The following BLTP3A variants were observed in gnomAD, a reference collection of about 807,000 sequenced individuals.
BLTP3A encodes ICBP90 binding protein 1.
chr6:34,803,233 TAAAA>T, the BLTP3A span, among the ~76,000 whole-genome samples: 1 of 143,170 alleles, frequency 7.0e-6, no homozygotes, highest in Non-Finnish European at 1.5e-5. Context: ...ATTGTAAAGT[TAAAA>T]AAAAAAAAGG....
chr6:34,821,945 C>G, the BLTP3A span: 1 of 1,614,214 alleles, frequency 6.2e-7, no homozygotes. Context: ...AAGACACACC[C>G]TATTTGCTTG....
the BLTP3A span, among the ~76,000 whole-genome samples, chr6:34,834,563 T>C: frequency 2.0e-5 from 3 of 152,142 alleles, no homozygotes; most frequent in Non-Finnish European, 4.4e-5. Flanking sequence ...CTACATCCTT[T>C]CCTCAATTAT....
chr6:34,872,451 AGCCATCTGTGCCAAGGAGAGAG>A, the BLTP3A span: 2 of 1,603,466 alleles, frequency 1.2e-6, no homozygotes, highest in Non-Finnish European at 1.7e-6. Flanking sequence ...CCAGTGGCTC[AGCCATCTGTGCCAAGGAGAGAG>A]GCTATCACCA....
the BLTP3A span, chr6:34,857,193 G>A: frequency 8.6e-7 from 1 of 1,159,848 alleles, no homozygotes. Context: ...GAGAACACCT[G>A]GAATATATGT....
the BLTP3A span, among the ~76,000 whole-genome samples, chr6:34,819,633 A>G: frequency 2.0e-5 from 3 of 152,344 alleles, no homozygotes; most frequent in East Asian, 5.8e-4. Flanking sequence ...TGACCTAAAC[A>G]TGCATTACAG....
At chr6:34,821,427 T>TCGC in the BLTP3A span, 22 of 377,404 alleles carry the variant, frequency 5.8e-5, no homozygotes, top group South Asian at 4.6e-4. Context: ...GATGGTGTGG[T>TCGC]CTGAGTGCAT....
the BLTP3A span, among the ~76,000 whole-genome samples, chr6:34,861,016 C>T: frequency 3.3e-5 from 5 of 152,192 alleles, no homozygotes; most frequent in African/African-American, 1.2e-4. Context: ...CCCAGTTACT[C>T]TCAATTCTCT....
At chr6:34,824,432 C>T in the BLTP3A span, among the ~76,000 whole-genome samples, 1 of 150,892 alleles carries the variant, frequency 6.6e-6, no homozygotes, top group Non-Finnish European at 1.5e-5. Flanking sequence ...GTGGCGGGCA[C>T]CTGTAATCCC....
chr6:34,874,982 G>T, the BLTP3A span: 1 of 152,594 alleles, frequency 6.6e-6, no homozygotes, highest in African/African-American at 2.4e-5. Context: ...AAAGCAGAGG[G>T]GAGTTAGATC....
At chr6:34,841,161 A>AT in the BLTP3A span, among the ~76,000 whole-genome samples, 9 of 150,878 alleles carry the variant, frequency 6.0e-5, no homozygotes, top group East Asian at 5.9e-4. Context: ...TAATTTTATT[A>AT]TTTTTTTTGA....
the BLTP3A span, chr6:34,867,351 C>T: frequency 6.2e-7 from 1 of 1,614,064 alleles, no homozygotes; most frequent in Non-Finnish European, 8.5e-7. Context: ...TCAGTTTCAC[C>T]CAGTGGAGAA....
At chr6:34,858,329 T>C in the BLTP3A span, 3 of 1,614,224 alleles carry the variant, frequency 1.9e-6, no homozygotes, top group South Asian at 3.3e-5. Context: ...CCAGGTGGCT[T>C]TAGCCTTCTG....
At chr6:34,826,033 T>C in the BLTP3A span, among the ~76,000 whole-genome samples, 1 of 147,678 alleles carries the variant, frequency 6.8e-6, no homozygotes. Context: ...TGCATTTTTT[T>C]TTTTTTTTTT....
the BLTP3A span, chr6:34,821,752 T>G: frequency 1.2e-6 from 2 of 1,614,174 alleles, no homozygotes; most frequent in Non-Finnish European, 1.7e-6. Flanking sequence ...TTCTACAGAA[T>G]GTACTGGAGC....
chr6:34,829,109 T>C, the BLTP3A span, among the ~76,000 whole-genome samples: 7 of 145,962 alleles, frequency 4.8e-5, 1 homozygote, highest in African/African-American at 1.5e-4. Flanking sequence ...TATTGAAATA[T>C]AATTCACATA....
chr6:34,847,209 C>A, the BLTP3A span, among the ~76,000 whole-genome samples: 200 of 151,774 alleles, frequency 1.3e-3, no homozygotes, highest in African/African-American at 4.7e-3. Flanking sequence ...GGAAGATCGG[C>A]CTGTAGTTTT....
chr6:34,870,742 TGAG>T, the BLTP3A span: 1 of 1,360,988 alleles, frequency 7.3e-7, no homozygotes. Context: ...TTCAGTCAGA[TGAG>T]AATGATGATA....
chr6:34,796,791 C>T, the BLTP3A span, among the ~76,000 whole-genome samples: 3 of 143,754 alleles, frequency 2.1e-5, no homozygotes, highest in Non-Finnish European at 4.4e-5. Context: ...GCAACCTCTG[C>T]CCCCCCGAGT....
chr6:34,827,570 G>C, the BLTP3A span, among the ~76,000 whole-genome samples: 1 of 152,288 alleles, frequency 6.6e-6, no homozygotes. Flanking sequence ...GTGTATGTGT[G>C]TTTTAATCTT....
Sources: allele counts gnomAD v4.1 joint callset (sites outside exome capture counted in the v4.1 genomes callset), GRCh38; gene constraint gnomAD v4.1.1; transcripts MANE v1.5; gene names NCBI Gene and HGNC (gene_info 2026-07-23, HGNC 2026-07-21).